GRIK3: variants seen among roughly 807,000 people sequenced by gnomAD.
The protein encoded by GRIK3 is glutamate ionotropic receptor kainate type subunit 3, also known as glutamate receptor ionotropic, kainate 3.
A neutral mutation model predicts 102.5 loss-of-function variants in GRIK3; 29 were observed. That is an observed-to-expected ratio of 0.28 (90% CI 0.21 to 0.39). GRIK3 has a LOEUF of 0.39. Among genes scored for constraint, GRIK3 ranks in the 10% least tolerant of loss-of-function variants. The pLI is 1.00. For missense variants in GRIK3, 908 were observed against 1,252.4 expected, an observed-to-expected ratio of 0.73 and a Z score of 4.15; for synonymous variants, 511 against 504.9, an observed-to-expected ratio of 1.01 and a Z score of -0.16.
At chr1:36,950,617 C>T (rs976775516) in intron 1 of GRIK3, among the ~76,000 whole-genome samples, 8 of 152,314 alleles carry the variant, frequency 5.3e-5, no homozygotes, top group Admixed American at 5.2e-4. Context: ...GGTGGGGTGA[C>T]ACAGCAGAGG....
chr1:36,996,823 G>C (rs1642425003), intron 1 of GRIK3, among the ~76,000 whole-genome samples: 1 of 152,208 alleles, frequency 6.6e-6, no homozygotes, highest in Admixed American at 6.5e-5. Context: ...CAAGGATGTT[G>C]GGCTGGCGCC....
chr1:36,857,579 A>C (rs1276178326), intron 7 of GRIK3, among the ~76,000 whole-genome samples: 1 of 152,232 alleles, frequency 6.6e-6, no homozygotes, highest in Admixed American at 6.5e-5. Flanking sequence ...AAACTGACTC[A>C]GAGATGTCCC....
chr1:37,001,515 G>A (rs906664312), intron 1 of GRIK3, among the ~76,000 whole-genome samples: 1 of 152,058 alleles, frequency 6.6e-6, no homozygotes, highest in Admixed American at 6.6e-5. Flanking sequence ...GACCTGGAAT[G>A]TCTGGTAAGG....
chr1:36,827,808 C>G (rs1198107249), intron 10 of GRIK3, among the ~76,000 whole-genome samples: 1 of 152,088 alleles, frequency 6.6e-6, no homozygotes, highest in African/African-American at 2.4e-5. Context: ...GGAAATACAA[C>G]TTTGACACTG....
intron 2 of GRIK3, among the ~76,000 whole-genome samples, chr1:36,883,317 C>T (rs1252924072): frequency 6.6e-6 from 1 of 152,236 alleles, no homozygotes; most frequent in African/African-American, 2.4e-5. Context: ...TACACAGTGA[C>T]ATGGGGAGAG....
intron 9 of GRIK3, among the ~76,000 whole-genome samples, chr1:36,842,809 GA>G (rs1281770780): frequency 1.3e-5 from 2 of 152,200 alleles, no homozygotes; most frequent in Non-Finnish European, 2.9e-5. Flanking sequence ...AGTTCATGAG[GA>G]TATGTGAGTT....
intron 1 of GRIK3, among the ~76,000 whole-genome samples, chr1:36,901,176 T>G (rs930157250): frequency 3.3e-5 from 5 of 152,222 alleles, no homozygotes; most frequent in African/African-American, 1.2e-4. Flanking sequence ...ATTTCTTAAC[T>G]CATTTTACAA....
chr1:37,020,807 C>G (rs773288947), intron 1 of GRIK3, among the ~76,000 whole-genome samples: 8 of 152,122 alleles, frequency 5.3e-5, no homozygotes, highest in Non-Finnish European at 8.8e-5. Flanking sequence ...ACCCCACCAC[C>G]CATACTAGAA....
chr1:36,917,504 G>A (rs1329562463), intron 1 of GRIK3, among the ~76,000 whole-genome samples: 2 of 152,166 alleles, frequency 1.3e-5, no homozygotes, highest in African/African-American at 4.8e-5. Context: ...ACGTGTTGTG[G>A]GAGGGACCCA....
intron 1 of GRIK3, among the ~76,000 whole-genome samples, chr1:36,957,707 CGTG>C (rs1641937795): frequency 7.0e-6 from 1 of 143,844 alleles, no homozygotes; most frequent in African/African-American, 2.6e-5. Flanking sequence ...CTGTGTGCCC[CGTG>C]AGCCTGTGTG....
rs946056945 is a variant in GRIK3, at chr1:36,804,798, C to T, written c.2565+189G>A. The T allele has an allele frequency of 7.1e-6, 5 of 702,588 alleles. No individual in the cohort carries two copies. In the African/African-American group the frequency reaches 7.2e-5, roughly 10 times the overall value. 43.5% of individuals were successfully genotyped at this position (702,588 alleles called of 1,614,324 possible). A position where few individuals can be genotyped will look rare whatever the true frequency, so the allele number is the denominator to read the frequency against. ...TGATGGGGCTTGGCCTGGGGTGGGG[C>T]AACGGCGATGGAAAAAAGTGCCAGG... On this transcript the variant is annotated intron_variant, in intron 15 of 15. Transcript: ENST00000373091.
chr1:36,838,089 C>G (rs1291654569), intron 10 of GRIK3, among the ~76,000 whole-genome samples: 1 of 152,180 alleles, frequency 6.6e-6, no homozygotes, highest in Admixed American at 6.5e-5. Context: ...CTGGAAGGAA[C>G]AGTGATGAGA....
chr1:36,908,264 AG>A (rs1419484045), intron 1 of GRIK3, among the ~76,000 whole-genome samples: 1 of 152,228 alleles, frequency 6.6e-6, no homozygotes, highest in Non-Finnish European at 1.5e-5. Context: ...GACCTAAGAC[AG>A]GGGTGACATT....
intron 10 of GRIK3, among the ~76,000 whole-genome samples, chr1:36,827,459 C>T (rs976921264): frequency 2.6e-5 from 4 of 152,104 alleles, no homozygotes; most frequent in Admixed American, 6.5e-5. Context: ...CCTCTGAAAC[C>T]CCTTTCCAAG....
At chr1:36,938,675 A>G (rs916890083) in intron 1 of GRIK3, among the ~76,000 whole-genome samples, 2 of 151,934 alleles carry the variant, frequency 1.3e-5, no homozygotes, top group Admixed American at 6.6e-5. Flanking sequence ...CTCTTTTAGG[A>G]CAGTGACTCT....
intron 1 of GRIK3, among the ~76,000 whole-genome samples, chr1:36,932,913 G>A (rs944047544): frequency 3.3e-5 from 5 of 152,176 alleles, no homozygotes; most frequent in African/African-American, 1.2e-4. Flanking sequence ...TGGAATAATG[G>A]AGGGAGGAAG....
chr1:36,998,101 G>T (rs1200003976), intron 1 of GRIK3, among the ~76,000 whole-genome samples: 2 of 152,324 alleles, frequency 1.3e-5, no homozygotes, highest in Admixed American at 1.3e-4. Context: ...TGTTGTCCAG[G>T]CTCATCTTAT....
intron 1 of GRIK3, among the ~76,000 whole-genome samples, chr1:36,934,684 G>A (rs12404577): frequency 4.9e-4 from 74 of 152,278 alleles, no homozygotes; most frequent in Admixed American, 4.0e-3. Flanking sequence ...CTGGGGCCTC[G>A]CTTATCCCTG....
chr1:36,863,383 A>G (rs1033660998), intron 5 of GRIK3, among the ~76,000 whole-genome samples: 2 of 152,178 alleles, frequency 1.3e-5, no homozygotes, highest in African/African-American at 4.8e-5. Context: ...AAATACTTCC[A>G]TGACTCCTTG....
Sources: gnomAD v4.1 joint callset for allele counts (sites outside exome capture counted in the v4.1 genomes callset) on GRCh38, gnomAD v4.1.1 for gene constraint, MANE v1.5 for transcripts, NCBI Gene and HGNC (gene_info 2026-07-23, HGNC 2026-07-21) for gene names.